PPP1CB: variants seen among roughly 807,000 people sequenced by gnomAD.
PPP1CB encodes the protein serine/threonine-protein phosphatase PP1-beta catalytic subunit.
In PPP1CB, 2 loss-of-function variants were observed where a neutral mutation model predicts 43.7. The observed-to-expected ratio is 0.05, with a 90% CI of 0.02 to 0.14. The LOEUF is 0.14. Among genes scored for constraint, PPP1CB ranks in the 10% least tolerant of loss-of-function variants. The pLI is 1.00. For synonymous variants in PPP1CB, 136 were observed against 135.6 expected (o/e 1.00, Z -0.02); for missense variants, 84 against 398.0 (o/e 0.21, Z 6.71).
intron 5 of PPP1CB, among the ~76,000 whole-genome samples, chr2:28,786,557 C>A (rs1424146989): frequency 6.6e-6 from 1 of 151,954 alleles, no homozygotes; most frequent in East Asian, 1.9e-4. Context: ...TATTGTCTCA[C>A]TGAAATTATA....
At chr2:28,784,856 G>A (rs535695770) in intron 5 of PPP1CB, among the ~76,000 whole-genome samples, 61 of 141,464 alleles carry the variant, frequency 4.3e-4, no homozygotes, top group African/African-American at 1.5e-3. Flanking sequence ...GGAGACAGAG[G>A]TTGCAGTGAG....
rs1192574840 is a variant in PPP1CB at position 28,752,166 on chromosome 2, G to A, written c.42G>A (p.Arg14=). 2 of 1,547,678 alleles carry A rather than the reference G, an allele frequency of 1.3e-6. No homozygotes were observed. Among genetic ancestry groups the A allele is most frequent in the African/African-American group, 1.4e-5 (1 of 72,512 alleles). The change falls in exon 1 of 8, where the codon CGG becomes CGA. Residue 14 remains arginine, a synonymous_variant. Coordinates refer to ENST00000395366, the MANE Select transcript of PPP1CB (RefSeq NM_002709.3). ...GELNVDSLIT[R]LLEVRGCRPG... ...TGAACGTGGACAGCCTCATCACCCG[G>A]CTGCTGGAGGGTGAGTGCGCGCCTG...
chr2:28,778,519 G>A (rs1667085948), intron 2 of PPP1CB: 1 of 494,646 alleles, frequency 2.0e-6, no homozygotes, highest in Non-Finnish European at 4.0e-6. Flanking sequence ...TTGGTCAGAG[G>A]CCTCCCTCAG....
chr2:28,757,759 G>A (rs541704409), intron 1 of PPP1CB, among the ~76,000 whole-genome samples: 2 of 152,250 alleles, frequency 1.3e-5, no homozygotes, highest in South Asian at 4.1e-4. Flanking sequence ...ATTAAGTTCA[G>A]CAAGTAAGGG....
rs2148064672 is a variant in PPP1CB at position 28,800,164 on chromosome 2, T to G, written c.*861T>G. On this transcript the variant is annotated 3_prime_UTR_variant, in exon 8 of 8. Transcript: ENST00000395366. ...GTTTTCATTCGCACGGAACACCTTT[T>G]GGCATGCTTAACTTCCTGGTAACAC... 1 of 152,392 alleles carries G rather than the reference T, an allele frequency of 6.6e-6. No individual in the cohort carries two copies. 9.4% of individuals were successfully genotyped at this position (152,392 alleles called of 1,614,324 possible). A position where few individuals can be genotyped will look rare whatever the true frequency, so the allele number is the denominator to read the frequency against.
intron 1 of PPP1CB, among the ~76,000 whole-genome samples, chr2:28,754,842 A>G (rs1013936417): frequency 1.3e-5 from 2 of 152,208 alleles, no homozygotes; most frequent in Non-Finnish European, 2.9e-5. Flanking sequence ...AAATTTGGCA[A>G]GAATTTCTCT....
chr2:28,775,187 T>C (rs948631769), intron 1 of PPP1CB, among the ~76,000 whole-genome samples: 2 of 152,216 alleles, frequency 1.3e-5, no homozygotes, highest in African/African-American at 4.8e-5. Flanking sequence ...CACTGTAGCC[T>C]CTGCCTTCTG....
intron 1 of PPP1CB, among the ~76,000 whole-genome samples, chr2:28,775,961 A>G (rs1023692805): frequency 6.6e-6 from 1 of 152,150 alleles, no homozygotes; most frequent in African/African-American, 2.4e-5. Flanking sequence ...TTGGGAATGT[A>G]ACGATAAGTT....
At chr2:28,791,092 TTTAA>T (rs1247710914) in intron 6 of PPP1CB, among the ~76,000 whole-genome samples, 1 of 152,232 alleles carries the variant, frequency 6.6e-6, no homozygotes, top group East Asian at 1.9e-4. Context: ...TAAAAGCGTA[TTTAA>T]TTAAGTATAT....
chr2:28,779,122 C>CA, intron 3 of PPP1CB, 83 bp downstream of exon 3: 1 of 1,082,292 alleles, frequency 9.2e-7, no homozygotes, highest in Non-Finnish European at 1.3e-6. Flanking sequence ...TGCTTTGATT[C>CA]AGAGTTTTTT....
chr2:28,789,134 C>T (rs1449902639), intron 6 of PPP1CB, among the ~76,000 whole-genome samples: 3 of 152,142 alleles, frequency 2.0e-5, no homozygotes, highest in Admixed American at 6.5e-5. Context: ...GGAGAGGTGG[C>T]AGAGCCAGTT....
intron 5 of PPP1CB, among the ~76,000 whole-genome samples, chr2:28,786,937 C>G (rs780719234): frequency 2.6e-5 from 4 of 152,060 alleles, no homozygotes; most frequent in Non-Finnish European, 1.5e-5. Context: ...ACTGACTATT[C>G]CAGTGGATTT....
At chr2:28,767,746 A>G (rs1558300588) in intron 1 of PPP1CB, among the ~76,000 whole-genome samples, 1 of 152,210 alleles carries the variant, frequency 6.6e-6, no homozygotes, top group Non-Finnish European at 1.5e-5. Flanking sequence ...TATAATTTTT[A>G]TATGTCACAG....
rs957308078 is a variant in PPP1CB at position 28,801,258 on chromosome 2, T to A, written c.*1955T>A. The A allele has an allele frequency of 2.6e-5, 4 of 152,156 alleles. No homozygotes were observed. Among genetic ancestry groups the A allele is most frequent in the Non-Finnish European group, 4.4e-5 (3 of 67,974 alleles). The allele number at this position is 152,156 out of a possible 1,614,324, so 9.4% of individuals were successfully genotyped here. ...AAGCTGAGCGATTTCTAATAAAATT[T>A]TAGTTGTACACTTTTAGTAGTCATA... is the stretch of plus-strand genomic sequence containing the variant. On this transcript the variant is annotated 3_prime_UTR_variant, in exon 8 of 8. Transcript: ENST00000395366.
At chr2:28,790,928 CA>C (rs1291867344) in intron 6 of PPP1CB, among the ~76,000 whole-genome samples, 1 of 152,036 alleles carries the variant, frequency 6.6e-6, no homozygotes, top group Non-Finnish European at 1.5e-5. Context: ...TTATACAGTT[CA>C]GGGTTTTTGG....
In PPP1CB at chr2:28,776,551, T is replaced by C. The variant is rs182388370; in HGVS notation, c.53-300T>C. On this transcript the variant is annotated intron_variant, in intron 1 of 7. Transcript: ENST00000395366. Reference sequence around the variant, plus strand: ...CTGGGATTACAGGCATGAGCCACCGTGCCCGGCCCTGAAATCTTTTAAGTC... The same window carrying C: ...CTGGGATTACAGGCATGAGCCACCGCGCCCGGCCCTGAAATCTTTTAAGTC... Among the ~76,000 whole-genome samples, 251 of 152,248 alleles carry C rather than the reference T, an allele frequency of 1.6e-3. 2 individuals carry two copies. Among genetic ancestry groups the C allele is most frequent in the Non-Finnish European group, 2.4e-3 (162 of 68,022 alleles).
chr2:28,787,807 A>G (rs934054981), intron 5 of PPP1CB, among the ~76,000 whole-genome samples: 2 of 152,186 alleles, frequency 1.3e-5, no homozygotes, highest in Non-Finnish European at 2.9e-5. Context: ...TGAATTCCTC[A>G]GAATTCATTT....
Position 28,799,325 on chromosome 2 carries a change from A to G in PPP1CB, c.*22A>G. 2.6e-6 allele frequency: 4 copies of G among 1,541,800 alleles called. No homozygotes were observed. Among genetic ancestry groups the G allele is most frequent in the Non-Finnish European group, 3.6e-6 (4 of 1,115,084 alleles). ...GTGAAGAAAGGAATTCTGTAAAGAAACCATCAGATTTGTTAAGGACATACT... is the reference window on the plus strand; with the variant it reads ...GTGAAGAAAGGAATTCTGTAAAGAAGCCATCAGATTTGTTAAGGACATACT... On this transcript the variant is annotated 3_prime_UTR_variant, in exon 8 of 8. Transcript: ENST00000395366.
intron 6 of PPP1CB, among the ~76,000 whole-genome samples, chr2:28,791,758 A>G (rs1431192623): frequency 2.0e-5 from 3 of 152,218 alleles, no homozygotes; most frequent in East Asian, 1.9e-4. Flanking sequence ...TTTTTCAGCC[A>G]TAGATCTTCA....
Sources: gnomAD v4.1 joint callset for allele counts (sites outside exome capture counted in the v4.1 genomes callset) on GRCh38, gnomAD v4.1.1 for gene constraint, MANE v1.5 for transcripts, NCBI Gene and HGNC (gene_info 2026-07-23, HGNC 2026-07-21) for gene names.